GRID2: variants seen among roughly 807,000 people sequenced by gnomAD.
The protein encoded by GRID2 is glutamate receptor ionotropic, delta-2.
In GRID2, 33 loss-of-function variants were observed where a neutral mutation model predicts 114.8. That is an observed-to-expected ratio of 0.29 (90% CI 0.22 to 0.38). The LOEUF (loss-of-function observed/expected upper bound fraction) is 0.38. Among genes scored for constraint, GRID2 ranks in the 10% least tolerant of loss-of-function variants. The pLI, the probability that GRID2 is intolerant of heterozygous loss-of-function variation, is 1.00. For missense variants in GRID2, 1,184 were observed against 1,257.7 expected (o/e 0.94, Z 0.89); for synonymous variants, 505 against 449.9 (o/e 1.12, Z -1.55).
chr4:92,420,409 C>T (rs577423486), intron 1 of GRID2, among the ~76,000 whole-genome samples: 2 of 152,164 alleles, frequency 1.3e-5, no homozygotes, highest in African/African-American at 4.8e-5. Flanking sequence ...TATCTAAGCT[C>T]CAGCCTAGTA....
At chr4:93,077,159 G>C (rs989496988) in intron 2 of GRID2, among the ~76,000 whole-genome samples, 1 of 152,084 alleles carries the variant, frequency 6.6e-6, no homozygotes, top group African/African-American at 2.4e-5. Flanking sequence ...ACTGGCAGTA[G>C]ATATTTCAAA....
At chr4:93,782,941 A>T (rs879851073) in intron 1 of GRID2, among the ~76,000 whole-genome samples, 3 of 152,124 alleles carry the variant, frequency 2.0e-5, no homozygotes, top group Admixed American at 2.0e-4. Flanking sequence ...CTATCTTATA[A>T]AAGAGAATCA....
intron 8 of GRID2, among the ~76,000 whole-genome samples, chr4:93,320,185 G>A (rs186917133): frequency 4.6e-5 from 7 of 152,180 alleles, no homozygotes; most frequent in South Asian, 2.1e-4. Flanking sequence ...GACAATTGGA[G>A]TAAGGAACAT....
At chr4:93,603,956 G>A (rs1478809049) in intron 13 of GRID2, among the ~76,000 whole-genome samples, 2 of 152,138 alleles carry the variant, frequency 1.3e-5, no homozygotes, top group Non-Finnish European at 2.9e-5. Context: ...GAGCTCCGAT[G>A]GGGATGTACA....
chr4:92,566,087 G>A (rs897114606), intron 1 of GRID2, among the ~76,000 whole-genome samples: 6 of 151,882 alleles, frequency 4.0e-5, no homozygotes, highest in Non-Finnish European at 7.4e-5. Flanking sequence ...GAAGGCCTAA[G>A]AGGTTTCAAT....
intron 2 of GRID2, among the ~76,000 whole-genome samples, chr4:92,941,044 C>G (rs1289091908): frequency 6.6e-6 from 1 of 152,080 alleles, no homozygotes; most frequent in Non-Finnish European, 1.5e-5. Flanking sequence ...ATTGTTGTGT[C>G]TGTGCCAGAC....
At chr4:93,694,231 C>T (rs1478571800) in intron 14 of GRID2, among the ~76,000 whole-genome samples, 2 of 152,198 alleles carry the variant, frequency 1.3e-5, no homozygotes, top group Non-Finnish European at 1.5e-5. Flanking sequence ...CTCCCAAACA[C>T]TGCTATGGCT....
chr4:93,794,444 A>G (rs778471764), intron 1 of GRID2, among the ~76,000 whole-genome samples: 6 of 152,176 alleles, frequency 3.9e-5, no homozygotes, highest in Non-Finnish European at 8.8e-5. Flanking sequence ...ACAAAAACCC[A>G]CCAGAACGAC....
At chr4:93,182,711 C>T (rs903941265) in intron 4 of GRID2, among the ~76,000 whole-genome samples, 12 of 152,126 alleles carry the variant, frequency 7.9e-5, no homozygotes, top group African/African-American at 2.7e-4. Flanking sequence ...GATTCTACAC[C>T]CAGACATCAC....
chr4:93,371,370 T>C (rs367594453), intron 8 of GRID2, among the ~76,000 whole-genome samples: 26 of 152,204 alleles, frequency 1.7e-4, no homozygotes, highest in African/African-American at 5.8e-4. Flanking sequence ...CTTTTTTTTT[T>C]GTTTTGTTTT....
At chr4:93,271,330 T>C (rs1406461556) in intron 8 of GRID2, among the ~76,000 whole-genome samples, 2 of 152,122 alleles carry the variant, frequency 1.3e-5, no homozygotes, top group East Asian at 1.9e-4. Context: ...GGGAATGTCA[T>C]GGTCTCCAGA....
At chr4:92,631,703 T>G (rs2149246439) in intron 2 of GRID2, among the ~76,000 whole-genome samples, 1 of 152,274 alleles carries the variant, frequency 6.6e-6, no homozygotes, top group South Asian at 2.1e-4. Context: ...CAATTTTACT[T>G]TCATATCTGT....
At chr4:93,476,885 C>T (rs1294242115) in intron 11 of GRID2, among the ~76,000 whole-genome samples, 1 of 151,710 alleles carries the variant, frequency 6.6e-6, no homozygotes, top group Non-Finnish European at 1.5e-5. Flanking sequence ...GAAATGAGAA[C>T]AGAAAAAGAA....
At chr4:92,476,073 T>G (rs1406764139) in intron 1 of GRID2, among the ~76,000 whole-genome samples, 2 of 147,240 alleles carry the variant, frequency 1.4e-5, no homozygotes, top group Non-Finnish European at 3.0e-5. Context: ...TCTCCCAAGC[T>G]GGAGTGCAGT....
chr4:93,307,677 G>A (rs913059313), intron 8 of GRID2, among the ~76,000 whole-genome samples: 15 of 151,988 alleles, frequency 9.9e-5, no homozygotes, highest in Admixed American at 2.6e-4. Context: ...TAGTTTACCC[G>A]AAATATAACT....
At chr4:92,343,576 T>G (rs1304701267) in intron 1 of GRID2, among the ~76,000 whole-genome samples, 3 of 150,566 alleles carry the variant, frequency 2.0e-5, no homozygotes, top group African/African-American at 7.5e-5. Context: ...TGTGTTTATA[T>G]TATATATATA....
intron 2 of GRID2, among the ~76,000 whole-genome samples, chr4:92,823,784 T>C (rs1355718962): frequency 6.6e-6 from 1 of 152,132 alleles, no homozygotes; most frequent in Non-Finnish European, 1.5e-5. Flanking sequence ...TATCTTACCA[T>C]GGATACAAAA....
intron 2 of GRID2, among the ~76,000 whole-genome samples, chr4:92,759,901 C>T (rs1243490507): frequency 6.6e-6 from 1 of 151,576 alleles, no homozygotes; most frequent in Admixed American, 6.6e-5. Flanking sequence ...GCTGGGACTG[C>T]AGGTGTGCAC....
chr4:92,765,015 T>A (rs943332272), intron 2 of GRID2, among the ~76,000 whole-genome samples: 2 of 152,166 alleles, frequency 1.3e-5, no homozygotes, highest in Non-Finnish European at 2.9e-5. Flanking sequence ...ATAACACTTT[T>A]AAAAAATTCA....
Sources: allele counts gnomAD v4.1 joint callset (sites outside exome capture counted in the v4.1 genomes callset), GRCh38; gene constraint gnomAD v4.1.1; transcripts MANE v1.5; gene names NCBI Gene and HGNC (gene_info 2026-07-23, HGNC 2026-07-21).